RGPD3: variants seen among roughly 807,000 people sequenced by gnomAD.
RGPD3 encodes the protein RANBP2 like and GRIP domain containing 3.
RGPD3 carries 62 observed loss-of-function variants against 154.5 expected under a neutral mutation model. That is an observed-to-expected ratio of 0.40 (90% CI 0.33 to 0.50). RGPD3 has a LOEUF of 0.50. Ranked by LOEUF, RGPD3 falls within the 20% of genes least tolerant of loss-of-function variation. The pLI, the probability that RGPD3 is intolerant of heterozygous loss-of-function variation, is 0.59. For synonymous variants in RGPD3, 308 were observed against 607.0 expected (o/e 0.51, Z 7.24); for missense variants, 919 against 1,716.8 (o/e 0.54, Z 8.21).
In RGPD3 at chr2:106,415,977, C is replaced by T. The variant is rs751217991; in HGVS notation, c.4937G>A (p.Trp1646Ter). The change falls in exon 21 of 23, where the codon TGG becomes TAG. Residue 1646 changes from tryptophan (W) to a stop codon, truncating the protein, a stop_gained. Coordinates refer to ENST00000409886, the MANE Select transcript of RGPD3 (RefSeq NM_001144013.2). LOFTEE classifies it high-confidence loss of function. The part of the protein sequence containing the change: ...FKTPEKEPPL[W>*]YAEFTKEELV... ...TTCTTCTTTAGTAAATTCAGCATAC[C>T]ATAATGGAGGCTCTGCAACATGTTG... 3.1e-6 allele frequency: 5 copies of T among 1,611,702 alleles called. No homozygotes were observed. Among genetic ancestry groups the T allele is most frequent in the East Asian group, 2.2e-5 (1 of 44,808 alleles).
rs770332948 is a variant in RGPD3 at position 106,413,286 on chromosome 2, C to T, written c.5065-1G>A. The stretch of plus-strand genomic sequence containing the variant: ...ATCTTCTTATTTCACTTTTGAGAAG[C>T]TGGTGTTAGAGAAATGAGTTAAAAA... On this transcript the variant is annotated splice_acceptor_variant, in intron 21 of 22. Coordinates refer to ENST00000409886, the MANE Select transcript of RGPD3 (RefSeq NM_001144013.2). LOFTEE classifies it high-confidence loss of function. 12 of 1,611,808 alleles carry T rather than the reference C, an allele frequency of 7.4e-6. No homozygotes were observed. Among genetic ancestry groups the T allele is most frequent in the Non-Finnish European group, 8.5e-6 (10 of 1,179,810 alleles).
chr2:106,411,825 C>G (rs1261793096), intron 22 of RGPD3, among the ~76,000 whole-genome samples: 1 of 152,046 alleles, frequency 6.6e-6, no homozygotes, highest in Admixed American at 6.6e-5. Flanking sequence ...CTCAAACAAA[C>G]AAAAACACAA....
intron 1 of RGPD3, among the ~76,000 whole-genome samples, chr2:106,465,576 C>A (rs1573307257): frequency 4.3e-5 from 6 of 139,462 alleles, no homozygotes; most frequent in Admixed American, 7.2e-5. Flanking sequence ...TTTTTTTAAG[C>A]TTGTTTAAAA....
intron 20 of RGPD3, among the ~76,000 whole-genome samples, chr2:106,420,994 C>T (rs1676967278): frequency 6.6e-6 from 1 of 152,026 alleles, no homozygotes; most frequent in South Asian, 2.1e-4. Context: ...GATGTCACTG[C>T]TCTGCAGAAC....
At chr2:106,428,615 C>G (rs1191601669) in intron 18 of RGPD3, among the ~76,000 whole-genome samples, 2 of 151,708 alleles carry the variant, frequency 1.3e-5, no homozygotes, top group Non-Finnish European at 2.9e-5. Flanking sequence ...GTTGCCTTAA[C>G]TATATGAACC....
chr2:106,413,697 G>A (rs1000285554), intron 21 of RGPD3, among the ~76,000 whole-genome samples: 4 of 152,088 alleles, frequency 2.6e-5, no homozygotes, highest in Admixed American at 6.5e-5. Context: ...AAATTCTCAC[G>A]AGAAACAGAT....
At position 106,423,845 on chromosome 2, in the gene RGPD3, C is replaced by G. The variant is rs544471353; in HGVS notation, c.4122G>C (p.Trp1374Cys). ...FYRYDKDVGQ[W>C]KERGIGDIKI... ...TTATATCACCAATGCCCCTTTCTTT[C>G]CATTGACCAACATCTTTATCATATC... is the stretch of plus-strand genomic sequence containing the variant. Residue 1374 changes from tryptophan to cysteine, a missense_variant, in exon 20 of 23, where the codon TGG (tryptophan) becomes TGC (cysteine). Transcript: ENST00000409886. 423 of 1,611,990 alleles carry G rather than the reference C, an allele frequency of 2.6e-4. 1 individual carries two copies. The highest frequency in any genetic ancestry group is 4.5e-4 in the Middle Eastern group (2 of 4,430).
At chr2:106,446,565 A>C (rs369424087) in intron 7 of RGPD3, among the ~76,000 whole-genome samples, 1 of 50,864 alleles carries the variant, frequency 2.0e-5, no homozygotes, top group East Asian at 4.6e-4. Flanking sequence ...GCGAGACTCC[A>C]TCTCAAAAAA....
chr2:106,445,275 T>G (rs1465003693), intron 7 of RGPD3, among the ~76,000 whole-genome samples: 1 of 149,402 alleles, frequency 6.7e-6, no homozygotes, highest in Non-Finnish European at 1.5e-5. Context: ...GGCGACAGAG[T>G]GAGACTCCGT....
At position 106,403,629 on chromosome 2, in the gene RGPD3, A is replaced by T. The variant is rs1262352557; in HGVS notation, c.*1590T>A. Among the ~76,000 whole-genome samples, 9 of 152,292 alleles carry T rather than the reference A, an allele frequency of 5.9e-5. No homozygotes were observed. The highest frequency in any genetic ancestry group is 1.0e-4 in the Non-Finnish European group (7 of 68,054). On this transcript the variant is annotated 3_prime_UTR_variant, in exon 23 of 23. Transcript: ENST00000409886. ...GAAATATATTTAAATATGATTAGTT[A>T]CATCGTATGCAGCTGGCATACTCAT...
At chr2:106,448,253 A>T (rs1573287529) in intron 6 of RGPD3, among the ~76,000 whole-genome samples, 1 of 152,036 alleles carries the variant, frequency 6.6e-6, no homozygotes, top group African/African-American at 2.4e-5. Context: ...GATTACAGGC[A>T]CCTGCCACCA....
chr2:106,441,758 G>A (rs1573278305), intron 7 of RGPD3, among the ~76,000 whole-genome samples: 1 of 150,848 alleles, frequency 6.6e-6, no homozygotes, highest in African/African-American at 2.4e-5. Flanking sequence ...CAGCTACACG[G>A]GAGGCTGAGG....
intron 7 of RGPD3, among the ~76,000 whole-genome samples, 181 bp from the exon 8 acceptor site, chr2:106,441,561 T>A (rs1008769744): frequency 6.6e-6 from 1 of 151,616 alleles, no homozygotes; most frequent in Admixed American, 6.6e-5. Flanking sequence ...CTATGAAAGA[T>A]AGGCCAGGTA....
chr2:106,437,949 TG>T, intron 9 of RGPD3, among the ~76,000 whole-genome samples: 1 of 152,370 alleles, frequency 6.6e-6, no homozygotes, highest in South Asian at 2.1e-4. Context: ...TTTTTGTTTC[TG>T]AGACGAAGTC....
intron 22 of RGPD3, among the ~76,000 whole-genome samples, chr2:106,408,935 C>T (rs1010622460): frequency 4.6e-5 from 7 of 151,654 alleles, no homozygotes; most frequent in Non-Finnish European, 1.0e-4. Flanking sequence ...ATCCTCCTGC[C>T]TGGTCTTCTC....
At chr2:106,421,368 C>T (rs1219832115) in intron 20 of RGPD3, among the ~76,000 whole-genome samples, 4 of 152,110 alleles carry the variant, frequency 2.6e-5, no homozygotes, top group East Asian at 1.9e-4. Flanking sequence ...TAAGTTAACA[C>T]TTTTCACATT....
Position 106,464,720 on chromosome 2 carries a change from T to A in RGPD3, c.72+3497A>T, listed in dbSNP as rs187822043. On this transcript the variant is annotated intron_variant, in intron 1 of 22. Transcript: ENST00000409886. The stretch of plus-strand genomic sequence containing the variant: ...AAAAACTAGAGAAAAAATTATATAT[T>A]TTTTTCTTTTTTTCTTTTTTGGAGA... Among the ~76,000 whole-genome samples, 51 of 151,968 alleles carry A rather than the reference T, an allele frequency of 3.4e-4. No homozygotes were observed. The East Asian group carries it at 7.9e-3, about 24-fold the overall frequency.
At position 106,404,933 on chromosome 2, in the gene RGPD3, A is replaced by G; in HGVS notation, c.*286T>C. 2.0e-6 allele frequency: 1 copy of G among 504,470 alleles called. No individual in the cohort carries two copies. The highest frequency in any genetic ancestry group is 3.6e-6 in the Non-Finnish European group (1 of 278,086). 31.2% of individuals were successfully genotyped at this position (504,470 alleles called of 1,614,324 possible). A position where few individuals can be genotyped will look rare whatever the true frequency, so the allele number is the denominator to read the frequency against. On this transcript the variant is annotated 3_prime_UTR_variant, in exon 23 of 23. Coordinates refer to ENST00000409886, the MANE Select transcript of RGPD3 (RefSeq NM_001144013.2). Reference sequence around the variant, plus strand: ...TGGTGGTTTTATTCTGGCAGCATGCATGGGAGATCACATGAGTTAGAGGGC... The same window carrying G: ...TGGTGGTTTTATTCTGGCAGCATGCGTGGGAGATCACATGAGTTAGAGGGC...
chr2:106,467,757 C>A (rs1349036899), intron 1 of RGPD3, among the ~76,000 whole-genome samples: 2 of 140,416 alleles, frequency 1.4e-5, no homozygotes, highest in Admixed American at 1.4e-4. Flanking sequence ...CAGCGCCCGT[C>A]GGGAGCCATG....
Sources: gnomAD v4.1 joint callset for allele counts (sites outside exome capture counted in the v4.1 genomes callset) on GRCh38, gnomAD v4.1.1 for gene constraint, MANE v1.5 for transcripts, NCBI Gene and HGNC (gene_info 2026-07-23, HGNC 2026-07-21) for gene names.